The following PGAP1 variants were observed in gnomAD, a reference collection of about 807,000 sequenced individuals.
PGAP1 encodes the protein GPI inositol-deacylase.
PGAP1 carries 76 observed loss-of-function variants against 127.0 expected under a neutral mutation model. That is an observed-to-expected ratio of 0.60 (90% CI 0.50 to 0.72). PGAP1 has a LOEUF of 0.72. Among genes scored for constraint, PGAP1 ranks in the 30% least tolerant of loss-of-function variants. The pLI, the probability that PGAP1 is intolerant of heterozygous loss-of-function variation, is 0.00. For synonymous variants in PGAP1, 362 were observed against 366.5 expected (o/e 0.99, Z 0.14); for missense variants, 982 against 1,071.3 (o/e 0.92, Z 1.16).
intron 12 of PGAP1, among the ~76,000 whole-genome samples, chr2:196,883,359 G>A (rs1277870324): frequency 6.6e-6 from 1 of 152,142 alleles, no homozygotes; most frequent in Non-Finnish European, 1.5e-5. Flanking sequence ...AATCTGACCA[G>A]ATTCATGTGG....
intron 4 of PGAP1, among the ~76,000 whole-genome samples, 163 bp from the exon 5 acceptor site, chr2:196,902,905 T>C (rs1307524598): frequency 1.3e-5 from 2 of 152,198 alleles, no homozygotes; most frequent in African/African-American, 2.4e-5. Flanking sequence ...AAAATCAGTA[T>C]CTTTACACAT....
At chr2:196,866,794 C>G (rs1370886825) in intron 19 of PGAP1, among the ~76,000 whole-genome samples, 2 of 151,816 alleles carry the variant, frequency 1.3e-5, no homozygotes, top group African/African-American at 4.8e-5. Context: ...ACAACCTCAT[C>G]AAAAAGTGGG....
At chr2:196,881,481 A>G (rs899370245) in intron 12 of PGAP1, among the ~76,000 whole-genome samples, 1 of 152,182 alleles carries the variant, frequency 6.6e-6, no homozygotes, top group Non-Finnish European at 1.5e-5. Flanking sequence ...TTACACTCCC[A>G]CTAACAGCAT....
chr2:196,914,782 C>T (rs1702946871), intron 3 of PGAP1, among the ~76,000 whole-genome samples: 1 of 151,892 alleles, frequency 6.6e-6, no homozygotes, highest in African/African-American at 2.4e-5. Flanking sequence ...CTTGCTAAAT[C>T]ACCAAGGAAT....
Position 196,873,519 on chromosome 2 carries a change from C to G in PGAP1, c.1552+9G>C. 1 of 1,597,600 alleles carries G rather than the reference C, an allele frequency of 6.3e-7. No homozygotes were observed. Among genetic ancestry groups the G allele is most frequent in the Non-Finnish European group, 8.6e-7 (1 of 1,169,550 alleles). ...TATTTTCTATACATTTTTTAGAAAACATATTTACCTTTGACTGCTGAGCAC... is the reference window on the plus strand; with the variant it reads ...TATTTTCTATACATTTTTTAGAAAAGATATTTACCTTTGACTGCTGAGCAC... On this transcript the variant is annotated intron_variant, in intron 16 of 26. Coordinates refer to ENST00000354764, the MANE Select transcript of PGAP1 (RefSeq NM_024989.4).
At chr2:196,849,316 T>C (rs1700649438) in intron 20 of PGAP1, among the ~76,000 whole-genome samples, 1 of 149,784 alleles carries the variant, frequency 6.7e-6, no homozygotes, top group Non-Finnish European at 1.5e-5. Flanking sequence ...CAGGCTGGAG[T>C]GCAGTGGCAC....
In PGAP1 at chr2:196,885,845, G is replaced by A. The variant is rs1020678750; in HGVS notation, c.1209C>T (p.Ser403=). The stretch of plus-strand genomic sequence containing the variant: ...TTCAAAAGACTTACCACATAGAAGT[G>A]CTGTTTATGCAAGCAAAAATCCAAC... The part of the protein sequence containing the change: ...TNSWIFACIN[S]TSMCLQGVDL... Residue 403 remains serine, a synonymous_variant, in exon 11 of 27, where the codon AGC becomes AGT. Coordinates refer to ENST00000354764, the MANE Select transcript of PGAP1 (RefSeq NM_024989.4). 2.8e-6 allele frequency: 4 copies of A among 1,418,740 alleles called. No homozygotes were observed. Among genetic ancestry groups the A allele is most frequent in the Admixed American group, 5.4e-5 (2 of 36,900 alleles). 87.9% of individuals were successfully genotyped at this position (1,418,740 alleles called of 1,614,324 possible).
Position 196,835,053 on chromosome 2 carries a change from A to G in PGAP1, c.*6181T>C, listed in dbSNP as rs2125769345. 1 of 152,136 alleles carries G rather than the reference A, an allele frequency of 6.6e-6. No homozygotes were observed. Among genetic ancestry groups the G allele is most frequent in the South Asian group, 2.1e-4 (1 of 4,822 alleles). 9.4% of individuals were successfully genotyped at this position (152,136 alleles called of 1,614,324 possible). On this transcript the variant is annotated 3_prime_UTR_variant, in exon 27 of 27. Transcript: ENST00000354764. ...ATTAAATTATGGGGAAAACTATAAT[A>G]TGAGGAACTGAAATTTCCTTAGAAT...
intron 4 of PGAP1, among the ~76,000 whole-genome samples, chr2:196,904,933 T>C (rs1438978129): frequency 6.6e-6 from 1 of 152,146 alleles, no homozygotes; most frequent in East Asian, 1.9e-4. Flanking sequence ...TTTCAACAAG[T>C]ATAAACAGGG....
chr2:196,861,417 C>A (rs928222632), intron 20 of PGAP1, among the ~76,000 whole-genome samples: 3 of 152,192 alleles, frequency 2.0e-5, no homozygotes, highest in Non-Finnish European at 4.4e-5. Flanking sequence ...TGCAAACTAT[C>A]CATCTGATAA....
chr2:196,885,424 CTTAA>C lies in PGAP1; in HGVS notation c.1268_1271del (p.Ile423SerfsTer3). 1 of 1,591,950 alleles carries C rather than the reference CTTAA, an allele frequency of 6.3e-7. No individual in the cohort carries two copies. On this transcript the variant is annotated frameshift_variant and splice_region_variant, in exon 12 of 27. Coordinates refer to ENST00000354764, the MANE Select transcript of PGAP1 (RefSeq NM_024989.4). LOFTEE classifies it high-confidence loss of function. Reference sequence around the variant, plus strand: ...TTAAAATTCTGAAGCCATAATTTACCTTAATTGTTGGCAGCAGTTCAGCTTTCCA... The same window carrying C: ...TTAAAATTCTGAAGCCATAATTTACCTTGTTGGCAGCAGTTCAGCTTTCCA...
At chr2:196,841,900 TTTTA>T (rs1255504422) in intron 26 of PGAP1, among the ~76,000 whole-genome samples, 1 of 152,128 alleles carries the variant, frequency 6.6e-6, no homozygotes, top group African/African-American at 2.4e-5. Flanking sequence ...AAATAGCCAG[TTTTA>T]TTTAGTCTTT....
intron 18 of PGAP1, among the ~76,000 whole-genome samples, chr2:196,871,689 C>T (rs1256604393): frequency 2.6e-5 from 4 of 152,108 alleles, no homozygotes; most frequent in African/African-American, 7.2e-5. Flanking sequence ...TGAAACTTGG[C>T]TGGAGGAACA....
At position 196,882,095 on chromosome 2, in the gene PGAP1, T is replaced by C. The variant is rs532533398; in HGVS notation, c.1273-1942A>G. 1.2e-4 allele frequency among the ~76,000 whole-genome samples: 19 copies of C among 152,346 alleles called. No individual in the cohort carries two copies. In the South Asian group the frequency reaches 3.7e-3, roughly 30 times the overall value. On this transcript the variant is annotated intron_variant, in intron 12 of 26. Coordinates refer to ENST00000354764, the MANE Select transcript of PGAP1 (RefSeq NM_024989.4). ...TAGGCAGTTATCCCAGCACCATTTA[T>C]TGAATAGGAAAACTTTTCCCCATTG...
At chr2:196,897,897 C>G (rs1289383861) in intron 6 of PGAP1, among the ~76,000 whole-genome samples, 1 of 152,156 alleles carries the variant, frequency 6.6e-6, no homozygotes, top group Non-Finnish European at 1.5e-5. Flanking sequence ...CTCCCATAGT[C>G]TTATTTATAG....
intron 13 of PGAP1, among the ~76,000 whole-genome samples, chr2:196,876,455 T>G (rs924229604): frequency 5.9e-5 from 9 of 152,124 alleles, no homozygotes; most frequent in African/African-American, 2.2e-4. Context: ...AATGTGACAC[T>G]TGCATCATTA....
chr2:196,879,583 T>C (rs1701668627), intron 13 of PGAP1, among the ~76,000 whole-genome samples: 2 of 152,236 alleles, frequency 1.3e-5, no homozygotes, highest in African/African-American at 4.8e-5. Flanking sequence ...TAGTCCCAGC[T>C]ACTTGGGAGG....
chr2:196,874,427 G>C (rs555231409), intron 14 of PGAP1, among the ~76,000 whole-genome samples: 1 of 152,186 alleles, frequency 6.6e-6, no homozygotes, highest in East Asian at 1.9e-4. Flanking sequence ...AGTGATATTT[G>C]CTAAGTACTA....
chr2:196,841,228 C>A lies in PGAP1; in HGVS notation c.*6G>T, dbSNP rs1386634024. The A allele has an allele frequency of 1.9e-6, 3 of 1,609,786 alleles. No homozygotes were observed. In the East Asian group the frequency reaches 6.7e-5, roughly 36 times the overall value. On this transcript the variant is annotated 3_prime_UTR_variant, in exon 27 of 27. Transcript: ENST00000354764. ...AAATTATCTTCATCATTCCTTAAGT[C>A]CAATCTTACATAAAGTTGCATAATG...
Sources: allele counts gnomAD v4.1 joint callset (sites outside exome capture counted in the v4.1 genomes callset), GRCh38; gene constraint gnomAD v4.1.1; transcripts MANE v1.5; gene names NCBI Gene and HGNC (gene_info 2026-07-23, HGNC 2026-07-21).